FKBP6: variants seen among roughly 807,000 people sequenced by gnomAD.
The protein encoded by FKBP6 is FKBP prolyl isomerase family member 6 (inactive).
Under a neutral mutation model 41.7 loss-of-function variants are expected in FKBP6, and 29 were observed. The observed-to-expected ratio is 0.70, with a 90% CI of 0.52 to 0.95. FKBP6 has a LOEUF of 0.95. Among genes scored for constraint, FKBP6 ranks in the 40% least tolerant of loss-of-function variants. The pLI is 0.00. For missense variants in FKBP6, 338 were observed against 408.7 expected, an observed-to-expected ratio of 0.83 and a Z score of 1.49; for synonymous variants, 130 against 165.1, an observed-to-expected ratio of 0.79 and a Z score of 1.63.
At chr7:73,329,680 G>GT (rs1167214749) in intron 3 of FKBP6, 41 of 594,730 alleles carry the variant, frequency 6.9e-5, no homozygotes, top group African/African-American at 6.3e-4. Flanking sequence ...CACTGGGAAT[G>GT]TTTCTTTGTT....
intron 5 of FKBP6, among the ~76,000 whole-genome samples, chr7:73,339,616 T>C (rs1554549091): frequency 6.7e-6 from 1 of 149,990 alleles, no homozygotes. Context: ...GTGACTCTTT[T>C]TTTTTTTTTT....
At chr7:73,336,972 A>G (rs1805024348) in intron 5 of FKBP6, 3 of 319,536 alleles carry the variant, frequency 9.4e-6, no homozygotes, top group Admixed American at 4.2e-5. Context: ...GGTCTGAGAA[A>G]AAAATTTAAA....
At chr7:73,334,653 T>C (rs1047784753) in intron 5 of FKBP6, among the ~76,000 whole-genome samples, 1 of 152,128 alleles carries the variant, frequency 6.6e-6, no homozygotes, top group Non-Finnish European at 1.5e-5. Context: ...GAAGGGCTAT[T>C]TGTTCTTCCC....
chr7:73,333,625 G>A (rs528085523), intron 5 of FKBP6, among the ~76,000 whole-genome samples: 9 of 152,136 alleles, frequency 5.9e-5, no homozygotes, highest in Admixed American at 1.3e-4. Flanking sequence ...CCTGGGGCCC[G>A]CCACACAGCT....
intron 8 of FKBP6, among the ~76,000 whole-genome samples, chr7:73,353,990 C>G (rs1428304982): frequency 6.6e-6 from 1 of 152,050 alleles, no homozygotes; most frequent in Non-Finnish European, 1.5e-5. Flanking sequence ...CTGCCTTGGC[C>G]TCCCTAAACC....
At chr7:73,336,936 A>G (rs1243481018) in intron 5 of FKBP6, 1 of 334,072 alleles carries the variant, frequency 3.0e-6, no homozygotes, top group East Asian at 8.6e-5. Flanking sequence ...AAGGAAACAG[A>G]AGAAGGGAAT....
At chr7:73,357,238 T>C (rs773563335) in intron 8 of FKBP6, among the ~76,000 whole-genome samples, 3 of 151,580 alleles carry the variant, frequency 2.0e-5, no homozygotes, top group Non-Finnish European at 4.4e-5. Context: ...TATCATGTTA[T>C]GGAAATGTTT....
chr7:73,334,072 CA>C (rs202203926), intron 5 of FKBP6, among the ~76,000 whole-genome samples: 5 of 150,052 alleles, frequency 3.3e-5, no homozygotes, highest in African/African-American at 7.3e-5. Flanking sequence ...AACTCCATCT[CA>C]AAAAAAAAGG....
chr7:73,350,743 C>A (rs780821241), intron 8 of FKBP6, among the ~76,000 whole-genome samples: 1 of 152,260 alleles, frequency 6.6e-6, no homozygotes, highest in African/African-American at 2.4e-5. Context: ...TTGGTCCTGG[C>A]TCAGAGCTGG....
At chr7:73,338,765 C>T (rs565886566) in intron 5 of FKBP6, among the ~76,000 whole-genome samples, 10 of 152,294 alleles carry the variant, frequency 6.6e-5, no homozygotes, top group South Asian at 2.1e-4. Context: ...GACTATTTGT[C>T]TATCTTCTTT....
In FKBP6 at chr7:73,328,500, G is replaced by C; in HGVS notation, c.57+15G>C. The C allele has an allele frequency of 1.3e-6, 2 of 1,557,990 alleles. No individual in the cohort carries two copies. The highest frequency in any genetic ancestry group is 1.7e-6 in the Non-Finnish European group (2 of 1,149,358). ...CCCCCGGCCAGGTGAGGGCCCAGAC[G>C]TTTCGGGGGCGTAGACGCTGAGGGG... On this transcript the variant is annotated intron_variant, in intron 1 of 8. Coordinates refer to ENST00000252037, the MANE Select transcript of FKBP6 (RefSeq NM_003602.5).
intron 6 of FKBP6, 55 bp downstream of exon 6, chr7:73,340,887 T>TTGA: frequency 8.6e-7 from 1 of 1,163,798 alleles, no homozygotes; most frequent in Non-Finnish European, 1.3e-6. Context: ...GTAGTAGCAG[T>TTGA]GCTCAACTCA....
At chr7:73,344,050 T>C (rs1805271286) in intron 8 of FKBP6, among the ~76,000 whole-genome samples, 1 of 152,242 alleles carries the variant, frequency 6.6e-6, no homozygotes, top group African/African-American at 2.4e-5. Context: ...ATGTGAACCC[T>C]GGCCTTCAGG....
chr7:73,330,400 G>A, intron 4 of FKBP6, 48 bp downstream of exon 4: 1 of 1,421,624 alleles, frequency 7.0e-7, no homozygotes, highest in Non-Finnish European at 9.9e-7. Flanking sequence ...AGACGAATGG[G>A]TTGGTGTTAT....
intron 5 of FKBP6, among the ~76,000 whole-genome samples, chr7:73,333,596 G>A (rs547078534): frequency 1.3e-5 from 2 of 152,296 alleles, no homozygotes; most frequent in Admixed American, 1.3e-4. Context: ...CCCGCAATGC[G>A]TGGCCAGGGG....
At chr7:73,346,732 G>A (rs73360441) in intron 8 of FKBP6, among the ~76,000 whole-genome samples, 1,804 of 152,254 alleles carry the variant, frequency 0.012, 40 homozygotes, top group African/African-American at 0.04. Flanking sequence ...TGGCAAGAGC[G>A]GAAGGGTGGC....
chr7:73,328,732 C>T (rs782366580), intron 2 of FKBP6, 40 bp downstream of exon 2: 6 of 1,611,794 alleles, frequency 3.7e-6, no homozygotes, highest in African/African-American at 1.3e-5. Context: ...TCCATGTCAT[C>T]GCACTCTGTT....
intron 8 of FKBP6, among the ~76,000 whole-genome samples, chr7:73,353,461 C>G (rs1365963008): frequency 6.6e-6 from 1 of 152,160 alleles, no homozygotes; most frequent in Non-Finnish European, 1.5e-5. Flanking sequence ...CCTTTCCGTC[C>G]CAGATGAGAT....
intron 8 of FKBP6, among the ~76,000 whole-genome samples, chr7:73,344,232 G>T (rs1208058337): frequency 6.6e-6 from 1 of 152,196 alleles, no homozygotes. Flanking sequence ...TGAAGACCCA[G>T]GTCTGCCAGG....
Sources: gnomAD v4.1 joint callset for allele counts (sites outside exome capture counted in the v4.1 genomes callset) on GRCh38, gnomAD v4.1.1 for gene constraint, MANE v1.5 for transcripts, NCBI Gene and HGNC (gene_info 2026-07-23, HGNC 2026-07-21) for gene names.